UMODL1: variants seen among roughly 807,000 people sequenced by gnomAD.
UMODL1 encodes the protein uromodulin-like 1.
Under a neutral mutation model 136.3 loss-of-function variants are expected in UMODL1, and 128 were observed. The observed-to-expected ratio is 0.94, with a 90% CI of 0.81 to 1.09. The LOEUF is 1.09. Among genes scored for constraint, UMODL1 ranks in the 50% least tolerant of loss-of-function variants. The pLI is 0.00. For missense variants in UMODL1, 1,766 were observed against 1,725.6 expected (o/e 1.02, Z -0.41); for synonymous variants, 721 against 720.0 (o/e 1.00, Z -0.02).
chr21:42,099,765 C>T lies in UMODL1; in HGVS notation c.1186+585C>T, dbSNP rs79028405. On this transcript the variant is annotated intron_variant, in intron 7 of 22. Transcript: ENST00000408910. This position sits in a 1 kb window ranked among gnomAD's most constrained non-coding sequence, Gnocchi z 4.1. ...GTATGATCACAGCTCGCTGCGGCCT[C>T]GACCCCCTGGACTCAAGTGATCCTG... Among the ~76,000 whole-genome samples the T allele has an allele frequency of 4.6e-3, 702 of 152,274 alleles. 4 individuals are homozygous for T. Among genetic ancestry groups the T allele is most frequent in the African/African-American group, 0.016 (668 of 41,550 alleles).
At chr21:42,131,843 A>G (rs1352403853) in intron 21 of UMODL1, among the ~76,000 whole-genome samples, 2 of 152,010 alleles carry the variant, frequency 1.3e-5, no homozygotes, top group East Asian at 3.9e-4. Flanking sequence ...GCTTCTCCTC[A>G]CTCTTCATTT....
At chr21:42,107,981 G>A (rs551129755) in intron 9 of UMODL1, among the ~76,000 whole-genome samples, 53 of 152,346 alleles carry the variant, frequency 3.5e-4, no homozygotes, top group South Asian at 1.9e-3. Context: ...TGGCCAGCCC[G>A]GGAGGGTGCA....
In UMODL1 at chr21:42,095,994, G is replaced by A. The variant is rs183557965; in HGVS notation, c.932-2932G>A. ...GGAGTTAATTTATAGCTCCCTGCAA[G>A]TTCCTACCGCTGCTATAATGCATGC... On this transcript the variant is annotated intron_variant, in intron 6 of 22. Coordinates refer to ENST00000408910, the MANE Select transcript of UMODL1 (RefSeq NM_001004416.3). 1.9e-3 allele frequency among the ~76,000 whole-genome samples: 295 copies of A among 152,282 alleles called. 4 individuals are homozygous for A. Among genetic ancestry groups the A allele is most frequent in the African/African-American group, 6.9e-3 (288 of 41,560 alleles).
Position 42,110,969 on chromosome 21 carries a change from C to T in UMODL1, c.1747C>T (p.Leu583=). The T allele has an allele frequency of 6.2e-7, 1 of 1,613,148 alleles. No individual in the cohort carries two copies. Residue 583 remains leucine, a synonymous_variant, in exon 11 of 23, where the codon CTA becomes TTA. Coordinates refer to ENST00000408910, the MANE Select transcript of UMODL1 (RefSeq NM_001004416.3). ...GLGTGTAALG[L]ENFTLSPSPG... ...TGGCACGGGAACAGCAGCCCTCGGC[C>T]TAGAGAACTTCACCTTGTCACCCAG...
chr21:42,131,193 G>C (rs1222323519), intron 21 of UMODL1, among the ~76,000 whole-genome samples: 1 of 152,176 alleles, frequency 6.6e-6, no homozygotes, highest in Non-Finnish European at 1.5e-5. Flanking sequence ...TCTCTTGCTT[G>C]CTGCTGAGCC....
rs777762410 is a variant in UMODL1, at chr21:42,098,840, T to C, written c.932-86T>C. 48 of 1,552,508 alleles carry C rather than the reference T, an allele frequency of 3.1e-5. 1 individual carries two copies. The Admixed American group carries it at 3.9e-4, about 13-fold the overall frequency. On this transcript the variant is annotated intron_variant, in intron 6 of 22. Coordinates refer to ENST00000408910, the MANE Select transcript of UMODL1 (RefSeq NM_001004416.3). The stretch of plus-strand genomic sequence containing the variant: ...GATCAATAAATCAGTGAGAACCAAG[T>C]TGAGATGAGGCTCTGTTACCTGCTT...
In UMODL1 at chr21:42,127,759, C is replaced by G; in HGVS notation, c.3618C>G (p.Ile1206Met). Residue 1206 changes from isoleucine to methionine, a missense_variant, in exon 20 of 23, where the codon ATC becomes ATG. By Grantham distance (10) the Ile-to-Met change is conservative. Coordinates refer to ENST00000408910, the MANE Select transcript of UMODL1 (RefSeq NM_001004416.3). ...TCAAGCTGAGGATCTTTTCCTTTAT[C>G]AACGACTCCATCGTCTACCTGCACT... ...AQFKLRIFSF[I>M]NDSIVYLHCK... 2 of 1,614,204 alleles carry G rather than the reference C, an allele frequency of 1.2e-6. No homozygotes were observed. The highest frequency in any genetic ancestry group is 1.7e-6 in the Non-Finnish European group (2 of 1,180,040).
rs1406187019 is a variant in UMODL1 at position 42,099,539 on chromosome 21, C to T, written c.1186+359C>T. 2.6e-5 allele frequency among the ~76,000 whole-genome samples: 4 copies of T among 152,150 alleles called. No homozygotes were observed. The highest frequency in any genetic ancestry group is 2.1e-4 in the South Asian group (1 of 4,822). On this transcript the variant is annotated intron_variant, in intron 7 of 22. Coordinates refer to ENST00000408910, the MANE Select transcript of UMODL1 (RefSeq NM_001004416.3). This position sits in a 1 kb window ranked among gnomAD's most constrained non-coding sequence, Gnocchi z 4.1. ...GGCGGCAGCTCCTGGCAGGCAGATC[C>T]GGACCCTGCCCGCTTACCCAGCAGC...
intron 4 of UMODL1, chr21:42,086,397 C>T: frequency 2.6e-6 from 1 of 385,692 alleles, no homozygotes; most frequent in Non-Finnish European, 5.3e-6. Flanking sequence ...TTAGACTAAG[C>T]TGGCTGGCAG....
chr21:42,127,209 G>T lies in UMODL1; in HGVS notation c.3497G>T (p.Arg1166Leu), dbSNP rs202079397. The change falls in exon 19 of 23, where the codon CGG becomes CTG. Residue 1166 changes from arginine (R) to leucine (L), a missense_variant. Coordinates refer to ENST00000408910, the MANE Select transcript of UMODL1 (RefSeq NM_001004416.3). ...ECWATPSSNA[R>L]DPITFSFINN... ...TGGGCAACCCCGTCTAGCAACGCCC[G>T]GGACCCCATCACCTTCAGCTTCATT... 6.2e-7 allele frequency: 1 copy of T among 1,613,874 alleles called. No individual in the cohort carries two copies. The highest frequency in any genetic ancestry group is 1.3e-5 in the African/African-American group (1 of 74,880).
intron 13 of UMODL1, 41 bp downstream of exon 13, chr21:42,113,871 G>A: frequency 1.3e-6 from 2 of 1,588,860 alleles, no homozygotes; most frequent in Non-Finnish European, 1.7e-6. Flanking sequence ...GGAACAAAAA[G>A]TATGAAAAAG....
intron 18 of UMODL1, 101 bp from the exon 19 acceptor site, chr21:42,126,905 C>G: frequency 1.0e-6 from 1 of 971,074 alleles, no homozygotes; most frequent in South Asian, 1.4e-5. Flanking sequence ...TTCATTTGCA[C>G]GTTCCTCTGG....
chr21:42,138,157 G>A (rs563871128), intron 22 of UMODL1, among the ~76,000 whole-genome samples: 8 of 152,250 alleles, frequency 5.3e-5, no homozygotes, highest in African/African-American at 1.7e-4. Context: ...TTGGTGCCTC[G>A]GTTTCATCAT....
In UMODL1 at chr21:42,137,002, C is replaced by T. The variant is rs142360469; in HGVS notation, c.3776-437C>T. 2.2e-3 allele frequency among the ~76,000 whole-genome samples: 330 copies of T among 152,312 alleles called. 1 individual carries two copies. The highest frequency in any genetic ancestry group is 7.1e-3 in the African/African-American group (296 of 41,560). ...CAATCTCTTGACCTTGTGACCCGCC[C>T]GCCTCAGCCCCGCAAAGTGCTGAGA... On this transcript the variant is annotated intron_variant, in intron 21 of 22. Transcript: ENST00000408910.
intron 1 of UMODL1, among the ~76,000 whole-genome samples, chr21:42,074,953 G>A (rs887755736): frequency 1.3e-5 from 2 of 151,522 alleles, no homozygotes; most frequent in Non-Finnish European, 2.9e-5. Flanking sequence ...CCAGGGTGGA[G>A]TGCAGTGGCG....
chr21:42,078,950 T>C (rs1396976661), intron 2 of UMODL1, among the ~76,000 whole-genome samples: 2 of 152,180 alleles, frequency 1.3e-5, no homozygotes, highest in East Asian at 3.8e-4. Flanking sequence ...GTTGCTGCTG[T>C]GCAACAACTC....
rs138189547 is a variant in UMODL1 at position 42,085,019 on chromosome 21, A to G, written c.482-272A>G. Among the ~76,000 whole-genome samples, 162 of 152,148 alleles carry G rather than the reference A, an allele frequency of 1.1e-3. No homozygotes were observed. Among genetic ancestry groups the G allele is most frequent in the African/African-American group, 3.9e-3 (160 of 41,444 alleles). On this transcript the variant is annotated intron_variant, in intron 3 of 22. Transcript: ENST00000408910. The surrounding 1 kb of genome is among the most constrained non-coding windows in gnomAD (Gnocchi z 4.5). ...ATTTACCTCCTAAGCAGATCTCTTC[A>G]AGGGAAGGCCTGCTGCTGTGGGTCC...
rs58764222 is a variant in UMODL1 at position 42,095,089 on chromosome 21, G to GTT, written c.932-3815_932-3814dup. On this transcript the variant is annotated intron_variant, in intron 6 of 22. Coordinates refer to ENST00000408910, the MANE Select transcript of UMODL1 (RefSeq NM_001004416.3). ...CATCACTCCTTTGTTTTCTTCTGCT[G>GTT]TTTTTTTTTTTTTTTTTTTTTTTGA... 7.8e-3 allele frequency among the ~76,000 whole-genome samples: 480 copies of GTT among 61,176 alleles called. 37 individuals are homozygous for GTT. Among genetic ancestry groups the GTT allele is most frequent in the African/African-American group, 0.02 (311 of 15,888 alleles). 40.1% of individuals were successfully genotyped at this position (61,176 alleles called of 152,430 possible). A position where few individuals can be genotyped will look rare whatever the true frequency, so the allele number is the denominator to read the frequency against.
At chr21:42,068,858 T>G (rs1323356268), upstream of UMODL1, among the ~76,000 whole-genome samples, 1 of 152,178 alleles carries the variant, frequency 6.6e-6, no homozygotes, top group Non-Finnish European at 1.5e-5. The surrounding 1 kb of genome is among the most constrained non-coding windows in gnomAD (Gnocchi z 5.5). Flanking sequence ...TGTGAGCGCA[T>G]GTATGTGAGT....
Sources: gnomAD v4.1 joint callset for allele counts (sites outside exome capture counted in the v4.1 genomes callset) on GRCh38, gnomAD v4.1.1 for gene constraint, Gnocchi (gnomAD v3.1) non-coding constraint, MANE v1.5 for transcripts, NCBI Gene and HGNC (gene_info 2026-07-23, HGNC 2026-07-21) for gene names.